SEPTIN7: variants seen among roughly 807,000 people sequenced by gnomAD.
SEPTIN7 encodes the protein septin-7.
SEPTIN7 carries 10 observed loss-of-function variants against 63.3 expected under a neutral mutation model. That is an observed-to-expected ratio of 0.16 (90% CI 0.10 to 0.27). The LOEUF (loss-of-function observed/expected upper bound fraction) is 0.27, where lower values mean the gene tolerates loss of function less well. Ranked by LOEUF, SEPTIN7 falls within the 10% of genes least tolerant of loss-of-function variation. SEPTIN7 has a pLI of 1.00. For missense variants in SEPTIN7, 310 were observed against 521.0 expected (o/e 0.59, Z 3.94); for synonymous variants, 131 against 165.3 (o/e 0.79, Z 1.59).
intron 1 of SEPTIN7, among the ~76,000 whole-genome samples, chr7:35,810,356 C>G (rs1788611861): frequency 1.4e-5 from 2 of 148,000 alleles, no homozygotes; most frequent in South Asian, 2.1e-4. Flanking sequence ...TGGAGTCTTG[C>G]TCTGTCACCC....
chr7:35,836,894 C>T (rs900504751), intron 3 of SEPTIN7, among the ~76,000 whole-genome samples: 1 of 151,870 alleles, frequency 6.6e-6, no homozygotes, highest in African/African-American at 2.4e-5. Context: ...AAGATTTTTC[C>T]TTGAGCTCTG....
intron 3 of SEPTIN7, 33 bp from the exon 4 acceptor site, chr7:35,863,519 A>G (rs2116153927): frequency 7.6e-7 from 1 of 1,318,458 alleles, no homozygotes; most frequent in Non-Finnish European, 1.1e-6. Context: ...AAAGTGGGTG[A>G]GTTTAACAGA....
intron 2 of SEPTIN7, 148 bp from the exon 3 acceptor site, chr7:35,832,650 T>C (rs1231191237): frequency 3.1e-6 from 2 of 638,672 alleles, no homozygotes; most frequent in East Asian, 3.0e-5. Flanking sequence ...TAAGAATTGA[T>C]AGTTTTATTG....
chr7:35,820,077 A>G (rs1317570161), intron 1 of SEPTIN7, among the ~76,000 whole-genome samples: 3 of 151,720 alleles, frequency 2.0e-5, no homozygotes, highest in African/African-American at 4.8e-5. Context: ...TTTTCTTTCA[A>G]CATTCGAAAT....
At chr7:35,875,806 G>A (rs1334273798) in intron 6 of SEPTIN7, among the ~76,000 whole-genome samples, 1 of 151,992 alleles carries the variant, frequency 6.6e-6, no homozygotes, top group Non-Finnish European at 1.5e-5. Flanking sequence ...AAAAAAATTT[G>A]TCATTTGCCC....
chr7:35,913,478 C>T, the SEPTIN7 span, among the ~76,000 whole-genome samples: 2,191 of 148,658 alleles, frequency 0.015, 50 homozygotes, highest in African/African-American at 0.05. Flanking sequence ...CTTTCTTCCC[C>T]TTCCTTCCCT....
chr7:35,845,696 G>A (rs890304826), intron 3 of SEPTIN7, among the ~76,000 whole-genome samples: 2 of 152,154 alleles, frequency 1.3e-5, no homozygotes, highest in Non-Finnish European at 2.9e-5. Flanking sequence ...TCTGAAGGGT[G>A]CACTTGCTTT....
intron 1 of SEPTIN7, among the ~76,000 whole-genome samples, chr7:35,811,523 T>C (rs967990822): frequency 1.3e-5 from 2 of 152,168 alleles, no homozygotes; most frequent in Admixed American, 6.5e-5. Context: ...ATTGGAAACA[T>C]TTCTAATGTT....
At chr7:35,914,101 A>G in the SEPTIN7 span, among the ~76,000 whole-genome samples, 1 of 152,242 alleles carries the variant, frequency 6.6e-6, no homozygotes, top group Non-Finnish European at 1.5e-5. Context: ...TAAGCATAAC[A>G]TTGAGAAAGA....
chr7:35,854,236 T>G (rs1785092048), intron 3 of SEPTIN7, among the ~76,000 whole-genome samples: 1 of 152,208 alleles, frequency 6.6e-6, no homozygotes, highest in East Asian at 1.9e-4. Context: ...CATGGTATTA[T>G]AAAGGTTAAC....
intron 3 of SEPTIN7, among the ~76,000 whole-genome samples, chr7:35,837,036 A>T (rs1170179397): frequency 6.6e-6 from 1 of 152,188 alleles, no homozygotes; most frequent in East Asian, 1.9e-4. Flanking sequence ...GTAATTCAAA[A>T]AGAAAGTTTA....
At chr7:35,860,391 T>C (rs930987659) in intron 3 of SEPTIN7, among the ~76,000 whole-genome samples, 12 of 152,182 alleles carry the variant, frequency 7.9e-5, no homozygotes, top group Admixed American at 3.3e-4. Flanking sequence ...AAACCAAAAT[T>C]ATAATAATAC....
intron 1 of SEPTIN7, among the ~76,000 whole-genome samples, chr7:35,829,315 A>AT (rs1583520357): frequency 6.7e-6 from 1 of 150,240 alleles, no homozygotes; most frequent in Non-Finnish European, 1.5e-5. Context: ...AATTTTTTGT[A>AT]TTTTTTAGTA....
chr7:35,863,018 T>C (rs1251833304), intron 3 of SEPTIN7, among the ~76,000 whole-genome samples: 1 of 152,088 alleles, frequency 6.6e-6, no homozygotes, highest in African/African-American at 2.4e-5. Flanking sequence ...GATTCTGGTT[T>C]GGGAGAAGCA....
At chr7:35,821,141 G>C (rs933358715) in intron 1 of SEPTIN7, among the ~76,000 whole-genome samples, 1 of 152,148 alleles carries the variant, frequency 6.6e-6, no homozygotes, top group Admixed American at 6.5e-5. Flanking sequence ...CTACTGTAGA[G>C]GTAGAGAGAT....
At chr7:35,884,026 C>G (rs1787067761) in intron 9 of SEPTIN7, 39 bp downstream of exon 9, 1 of 1,253,644 alleles carries the variant, frequency 8.0e-7, no homozygotes, top group African/African-American at 1.5e-5. Flanking sequence ...TAAAATATCT[C>G]AAAACTGATT....
intron 3 of SEPTIN7, among the ~76,000 whole-genome samples, chr7:35,859,051 G>A (rs185127394): frequency 6.6e-6 from 1 of 151,920 alleles, no homozygotes; most frequent in Admixed American, 6.6e-5. Context: ...TGCTAGCTTT[G>A]AGTTTAGTTT....
At chr7:35,844,852 C>T (rs113833321) in intron 3 of SEPTIN7, among the ~76,000 whole-genome samples, 7,104 of 152,236 alleles carry the variant, frequency 0.047, 248 homozygotes, top group South Asian at 0.17. Flanking sequence ...ATCCACCCAC[C>T]TTAGCTGGGA....
chr7:35,809,824 TTC>T (rs1034164746), intron 1 of SEPTIN7, among the ~76,000 whole-genome samples: 5 of 152,210 alleles, frequency 3.3e-5, no homozygotes, highest in African/African-American at 1.2e-4. Flanking sequence ...GTGATGATAA[TTC>T]TCTCTGTTGA....
Sources: allele counts gnomAD v4.1 joint callset (sites outside exome capture counted in the v4.1 genomes callset), GRCh38; gene constraint gnomAD v4.1.1; transcripts MANE v1.5; gene names NCBI Gene and HGNC (gene_info 2026-07-23, HGNC 2026-07-21).